Variants in RNF150 observed in about 807,000 individuals in gnomAD.
RNF150 encodes the protein ring finger protein 150.
RNF150 carries 24 observed loss-of-function variants against 39.3 expected under a neutral mutation model. The ratio of observed to expected loss-of-function variants is 0.61; its 90% CI spans 0.44 to 0.86. RNF150 has a LOEUF of 0.86. Among genes scored for constraint, RNF150 ranks in the 40% least tolerant of loss-of-function variants. The pLI is 0.00. For synonymous variants in RNF150, 255 were observed against 227.3 expected (o/e 1.12, Z -1.10); for missense variants, 502 against 587.8 (o/e 0.85, Z 1.51).
intron 1 of RNF150, among the ~76,000 whole-genome samples, chr4:141,095,861 G>A (rs1348351187): frequency 6.6e-6 from 1 of 152,166 alleles, no homozygotes; most frequent in Admixed American, 6.5e-5. Flanking sequence ...TAATAATTTA[G>A]TTAGGATACT....
At chr4:141,124,449 G>T (rs184076452) in intron 1 of RNF150, among the ~76,000 whole-genome samples, 1 of 152,220 alleles carries the variant, frequency 6.6e-6, no homozygotes, top group East Asian at 1.9e-4. Flanking sequence ...CAGCTCTGTG[G>T]ATTTCTGGGA....
intron 6 of RNF150, among the ~76,000 whole-genome samples, chr4:140,910,395 A>G (rs1263167066): frequency 6.6e-6 from 1 of 152,210 alleles, no homozygotes; most frequent in East Asian, 1.9e-4. Context: ...TATCTCTTAT[A>G]TTAGACTGAA....
chr4:141,081,307 A>G lies in RNF150; in HGVS notation c.484+51018T>C, dbSNP rs575883467. ...TGCTCCATCTTAACTTCATCTGCCA[A>G]GCAACTCACTCTAAGCAAAGAAAAC... is the stretch of plus-strand genomic sequence containing the variant. On this transcript the variant is annotated intron_variant, in intron 1 of 6. Transcript: ENST00000515673. 4.7e-4 allele frequency among the ~76,000 whole-genome samples: 71 copies of G among 152,314 alleles called. No homozygotes were observed. The South Asian group carries it at 0.014, about 30-fold the overall frequency.
intron 1 of RNF150, among the ~76,000 whole-genome samples, chr4:140,990,286 G>C (rs544617972): frequency 6.6e-6 from 1 of 152,040 alleles, no homozygotes; most frequent in African/African-American, 2.4e-5. Flanking sequence ...TTTCTCTTTC[G>C]TAAATGACTC....
intron 1 of RNF150, among the ~76,000 whole-genome samples, chr4:141,041,649 A>T (rs1736378355): frequency 6.6e-6 from 1 of 152,050 alleles, no homozygotes; most frequent in Admixed American, 6.6e-5. Context: ...AGGTCTACAG[A>T]TTACTTTTTC....
Position 140,867,240 on chromosome 4 carries a change from A to G in RNF150, c.*1021T>C, listed in dbSNP as rs1728745669. The G allele has an allele frequency of 6.6e-6, 1 of 152,210 alleles. No homozygotes were observed. Among genetic ancestry groups the G allele is most frequent in the Non-Finnish European group, 1.5e-5 (1 of 68,044 alleles). The allele number at this position is 152,210 out of a possible 1,614,324, so 9.4% of individuals were successfully genotyped here. ...CAGCCCCCACTATGTTTGCCATTGG[A>G]CTTAAAAATGATTGGCTTTTCTCTA... On this transcript the variant is annotated 3_prime_UTR_variant, in exon 7 of 7. Transcript: ENST00000515673.
At chr4:140,908,811 T>C (rs1730487531) in intron 6 of RNF150, among the ~76,000 whole-genome samples, 1 of 152,190 alleles carries the variant, frequency 6.6e-6, no homozygotes, top group South Asian at 2.1e-4. Context: ...ATTAAAATGC[T>C]TTCTCAGTTG....
chr4:141,103,426 C>T (rs994404456), intron 1 of RNF150, among the ~76,000 whole-genome samples: 1 of 152,136 alleles, frequency 6.6e-6, no homozygotes, highest in Admixed American at 6.5e-5. Context: ...AACATTGTGG[C>T]CGCAGCAGGT....
intron 1 of RNF150, among the ~76,000 whole-genome samples, chr4:141,143,367 T>G (rs1727152204): frequency 6.6e-6 from 1 of 152,176 alleles, no homozygotes; most frequent in Admixed American, 6.5e-5. Context: ...GCTAAGAGTT[T>G]TTTATTCCTT....
At chr4:141,071,974 C>T (rs1181262718) in intron 1 of RNF150, among the ~76,000 whole-genome samples, 2 of 152,128 alleles carry the variant, frequency 1.3e-5, no homozygotes, top group Admixed American at 1.3e-4. Context: ...TAGGGCAGTA[C>T]TATTTAAACT....
At chr4:140,919,515 C>T (rs1670930792) in intron 5 of RNF150, among the ~76,000 whole-genome samples, 1 of 150,148 alleles carries the variant, frequency 6.7e-6, no homozygotes. Flanking sequence ...AACTACAAAC[C>T]ACCCCTCAAT....
At chr4:141,183,078 G>T (rs79523441) in intron 1 of RNF150, among the ~76,000 whole-genome samples, 1,715 of 152,258 alleles carry the variant, frequency 0.011, 38 homozygotes, top group African/African-American at 0.038. Context: ...AAGGACTAGG[G>T]TGTCAGACAA....
chr4:141,144,945 A>G (rs1308365436), intron 1 of RNF150, among the ~76,000 whole-genome samples: 1 of 152,216 alleles, frequency 6.6e-6, no homozygotes, highest in Non-Finnish European at 1.5e-5. Flanking sequence ...TGATAATAAA[A>G]TATTTATATC....
intron 1 of RNF150, among the ~76,000 whole-genome samples, chr4:141,058,869 G>C (rs942038718): frequency 6.6e-6 from 1 of 152,124 alleles, no homozygotes; most frequent in Non-Finnish European, 1.5e-5. Flanking sequence ...CCTTACATAA[G>C]GTCCCAGTGC....
intron 4 of RNF150, among the ~76,000 whole-genome samples, chr4:140,940,972 C>T (rs1039161795): frequency 1.3e-5 from 2 of 152,098 alleles, no homozygotes; most frequent in Non-Finnish European, 2.9e-5. Context: ...CAAGAACCCT[C>T]CTGAGCTAAG....
chr4:141,086,081 C>T (rs1266679643), intron 1 of RNF150, among the ~76,000 whole-genome samples: 4 of 149,758 alleles, frequency 2.7e-5, no homozygotes, highest in African/African-American at 7.4e-5. Context: ...CTTCTAGGTG[C>T]CAGTGGCAAG....
At chr4:141,199,635 T>A (rs1194355624) in intron 1 of RNF150, among the ~76,000 whole-genome samples, 1 of 152,176 alleles carries the variant, frequency 6.6e-6, no homozygotes, top group Non-Finnish European at 1.5e-5. Flanking sequence ...TGCAGCATTC[T>A]AGGAAAAGCA....
chr4:140,983,089 C>G (rs771557766), intron 1 of RNF150, among the ~76,000 whole-genome samples: 2 of 152,126 alleles, frequency 1.3e-5, no homozygotes, highest in Non-Finnish European at 2.9e-5. Flanking sequence ...GTTGAATAGT[C>G]ACAGTTCCCT....
intron 1 of RNF150, among the ~76,000 whole-genome samples, chr4:141,174,877 C>T (rs1378966417): frequency 7.2e-6 from 1 of 139,280 alleles, no homozygotes; most frequent in Non-Finnish European, 1.6e-5. Context: ...TACCTGGAAT[C>T]CTGTATCAGG....
Sources: gnomAD v4.1 joint callset for allele counts (sites outside exome capture counted in the v4.1 genomes callset) on GRCh38, gnomAD v4.1.1 for gene constraint, MANE v1.5 for transcripts, NCBI Gene and HGNC (gene_info 2026-07-23, HGNC 2026-07-21) for gene names.